The following NFKBIB variants were observed in gnomAD, a reference collection of about 807,000 sequenced individuals.
The protein encoded by NFKBIB is NF-kappa-B inhibitor beta.
In NFKBIB, 16 loss-of-function variants were observed where a neutral mutation model predicts 32.1. The ratio of observed to expected loss-of-function variants is 0.50; its 90% CI spans 0.34 to 0.76. The LOEUF is 0.76. Among genes scored for constraint, NFKBIB ranks in the 30% least tolerant of loss-of-function variants. The pLI is 0.01. For missense variants in NFKBIB, 437 were observed against 514.9 expected (o/e 0.85, Z 1.46); for synonymous variants, 222 against 219.5 (o/e 1.01, Z -0.10).
chr19:38,902,081 A>ATTTTTTTTTTTTTTTTTTTTTTTTTTTTT (rs1220793422), intron 1 of NFKBIB, among the ~76,000 whole-genome samples: 1 of 56,460 alleles, frequency 1.8e-5, no homozygotes, highest in Non-Finnish European at 3.7e-5. Context: ...TTTTCATTTT[A>ATTTTTTTTTTTTTTTTTTTTTTTTTTTTT]TTTCTTTTTT....
intron 1 of NFKBIB, among the ~76,000 whole-genome samples, chr19:38,901,421 A>T (rs751188446): frequency 3.3e-5 from 5 of 151,638 alleles, no homozygotes; most frequent in Non-Finnish European, 5.9e-5. Flanking sequence ...CAGCCTCCTG[A>T]GTAGCTGGGA....
chr19:38,905,024 C>T lies in NFKBIB; in HGVS notation c.189C>T (p.His63=). The T allele has an allele frequency of 2.5e-6, 4 of 1,614,164 alleles. No individual in the cohort carries two copies. The highest frequency in any genetic ancestry group is 3.4e-6 in the Non-Finnish European group (4 of 1,180,016). The stretch of plus-strand genomic sequence containing the variant: ...CGGTCTTTGTCCCCAGGGCACTGCA[C>T]TTGGCTGTGATTCATCAGCATGAAC... ...YVTEDGDTAL[H]LAVIHQHEPF... Residue 63 remains histidine (H), a synonymous_variant, in exon 2 of 6, where the codon CAC becomes CAT. Coordinates refer to ENST00000313582, the MANE Select transcript of NFKBIB (RefSeq NM_002503.5). This position sits in a 1 kb window ranked among gnomAD's most constrained non-coding sequence, Gnocchi z 5.5.
Position 38,907,592 on chromosome 19 carries a change from C to CCGAGGG in NFKBIB, c.908_913dup (p.Gly303_Glu304dup), listed in dbSNP as rs767145459. 101 of 1,612,132 alleles carry CCGAGGG rather than the reference C, an allele frequency of 6.3e-5. No individual in the cohort carries two copies. Among genetic ancestry groups the CCGAGGG allele is most frequent in the Non-Finnish European group, 8.2e-5 (97 of 1,179,566 alleles). On this transcript the variant is annotated inframe_insertion, in exon 5 of 6. Coordinates refer to ENST00000313582, the MANE Select transcript of NFKBIB (RefSeq NM_002503.5). Reference sequence around the variant, plus strand: ...CTCCGTGCACACGGAGCCCCTGAGCCCGAGGGCGAGGACGAGAAATCCGGC... The same window carrying CCGAGGG: ...CTCCGTGCACACGGAGCCCCTGAGCCCGAGGGCGAGGGCGAGGACGAGAAATCCGGC...
rs780593114 is a variant in NFKBIB at position 38,900,177 on chromosome 19, C to G, written c.145C>G (p.Leu49Val). 1.9e-6 allele frequency: 3 copies of G among 1,603,992 alleles called. No homozygotes were observed. The highest frequency in any genetic ancestry group is 2.7e-5 in the African/African-American group (2 of 74,772). ...ELGPGLSWAP[L>V]VFGYVTEDGD... ...GGGCCCGGGGCTGTCGTGGGCTCCCCTCGTCTTCGGCTACGTCACTGAGGA... is the reference window on the plus strand; with the variant it reads ...GGGCCCGGGGCTGTCGTGGGCTCCCGTCGTCTTCGGCTACGTCACTGAGGA... Residue 49 changes from leucine to valine, a missense_variant, in exon 1 of 6, where the codon CTC (leucine) becomes GTC (valine). Transcript: ENST00000313582.
rs755663711 is a variant in NFKBIB, at chr19:38,905,522, T to C, written c.606T>C (p.Ala202=). ...AGGACTGGAAGCTGCAGCTGGAGGCTGAAAACTACGAGGGTGAGGGTCGTC... is the reference window on the plus strand; with the variant it reads ...AGGACTGGAAGCTGCAGCTGGAGGCCGAAAACTACGAGGGTGAGGGTCGTC... The part of the protein sequence containing the change: ...SEEDWKLQLE[A]ENYEGHTPLH... Residue 202 remains alanine (A), a synonymous_variant, in exon 3 of 6, where the codon GCT becomes GCC. Coordinates refer to ENST00000313582, the MANE Select transcript of NFKBIB (RefSeq NM_002503.5). This position sits in a 1 kb window ranked among gnomAD's most constrained non-coding sequence, Gnocchi z 5.5. 1 of 1,607,956 alleles carries C rather than the reference T, an allele frequency of 6.2e-7. No homozygotes were observed. Among genetic ancestry groups the C allele is most frequent in the Non-Finnish European group, 8.5e-7 (1 of 1,176,736 alleles).
intron 1 of NFKBIB, among the ~76,000 whole-genome samples, chr19:38,903,219 G>C (rs1258264868): frequency 1.3e-5 from 2 of 152,176 alleles, no homozygotes. Context: ...TACAACTTTA[G>C]GTTATCATGG....
At chr19:38,906,756 A>C (rs559626700) in intron 3 of NFKBIB, among the ~76,000 whole-genome samples, 2 of 152,148 alleles carry the variant, frequency 1.3e-5, no homozygotes, top group East Asian at 1.9e-4. Context: ...GGCGTGAGCC[A>C]CTGTGCCTGG....
chr19:38,907,368 G>T (rs754294471), intron 4 of NFKBIB, 31 bp from the exon 5 acceptor site: 8 of 1,595,472 alleles, frequency 5.0e-6, no homozygotes, highest in Non-Finnish European at 6.9e-6. Context: ...CCCTCTTCGG[G>T]CCCTCTGACC....
At chr19:38,902,078 T>C (rs1308247006) in intron 1 of NFKBIB, among the ~76,000 whole-genome samples, 1 of 111,084 alleles carries the variant, frequency 9.0e-6, no homozygotes, top group East Asian at 4.3e-4. Flanking sequence ...TGTTTTTCAT[T>C]TTATTTCTTT....
At position 38,907,211 on chromosome 19, in the gene NFKBIB, C is replaced by G. The variant is rs761937900; in HGVS notation, c.620-10C>G. On this transcript the variant is annotated splice_polypyrimidine_tract_variant and intron_variant, in intron 3 of 5. Coordinates refer to ENST00000313582, the MANE Select transcript of NFKBIB (RefSeq NM_002503.5). ...ACCTCATCATCTGACGCCAATCACT[C>G]TGTCCCCAGGCCACACCCCACTCCA... 10 of 1,604,362 alleles carry G rather than the reference C, an allele frequency of 6.2e-6. No homozygotes were observed. In the South Asian group the frequency reaches 6.6e-5, roughly 11 times the overall value.
Position 38,907,891 on chromosome 19 carries a change from G to C in NFKBIB, c.969+232G>C. On this transcript the variant is annotated intron_variant, in intron 5 of 5. Coordinates refer to ENST00000313582, the MANE Select transcript of NFKBIB (RefSeq NM_002503.5). The stretch of plus-strand genomic sequence containing the variant: ...CAGTGGCAAAGGTAGAACTCAGGCA[G>C]GGGTGGAGAAAAGGCGTTGGTCGCA... The C allele has an allele frequency of 2.2e-6, 3 of 1,374,282 alleles. No homozygotes were observed. The South Asian group carries it at 5.8e-5, about 27-fold the overall frequency. 85.1% of individuals were successfully genotyped at this position (1,374,282 alleles called of 1,614,324 possible).
intron 1 of NFKBIB, among the ~76,000 whole-genome samples, chr19:38,902,955 AT>A (rs1165123548): frequency 6.6e-6 from 1 of 152,134 alleles, no homozygotes; most frequent in Non-Finnish European, 1.5e-5. Flanking sequence ...AGCGCCTGTA[AT>A]CCCAGCTACT....
chr19:38,903,492 TG>T (rs1476263105), intron 1 of NFKBIB, among the ~76,000 whole-genome samples: 1 of 152,050 alleles, frequency 6.6e-6, no homozygotes, highest in African/African-American at 2.4e-5. Flanking sequence ...CTCATCGTGT[TG>T]GCCAGGTTGG....
intron 5 of NFKBIB, chr19:38,908,477 T>C (rs1974219530): frequency 9.3e-7 from 1 of 1,079,280 alleles, no homozygotes; most frequent in Non-Finnish European, 1.2e-6. Context: ...AGGTGGAGGT[T>C]GCAGTGAACC....
chr19:38,900,305 C>G, intron 1 of NFKBIB, 94 bp downstream of exon 1: 1 of 1,332,944 alleles, frequency 7.5e-7, no homozygotes, highest in Non-Finnish European at 9.9e-7. Context: ...ACCTCATACT[C>G]CTAAATCTGA....
In NFKBIB at chr19:38,900,120, G is replaced by A. The variant is rs1489842341; in HGVS notation, c.88G>A (p.Ala30Thr). ...GGGCTCCCTGGGTCCGGACGCAGCG[G>A]CCCCCGGAGGACCTGGGTTGGGCGC... ...GLGSLGPDAA[A>T]PGGPGLGAEL... Residue 30 changes from alanine (A) to threonine (T), a missense_variant, in exon 1 of 6, where the codon GCC becomes ACC. Ala to Thr is a moderately conservative substitution (Grantham distance 58, BLOSUM62 0). Transcript: ENST00000313582. 5.7e-6 allele frequency: 9 copies of A among 1,581,854 alleles called. No individual in the cohort carries two copies. The East Asian group carries it at 1.8e-4, about 32-fold the overall frequency.
chr19:38,903,596 T>A (rs1974030751), intron 1 of NFKBIB, among the ~76,000 whole-genome samples: 1 of 151,960 alleles, frequency 6.6e-6, no homozygotes, highest in African/African-American at 2.4e-5. Flanking sequence ...CATAATGAAC[T>A]GTTTTAATAT....
At chr19:38,900,726 A>G (rs564247522) in intron 1 of NFKBIB, among the ~76,000 whole-genome samples, 11 of 152,354 alleles carry the variant, frequency 7.2e-5, no homozygotes, top group African/African-American at 2.6e-4. Flanking sequence ...AAAATTAAAA[A>G]AAAGAATGTT....
chr19:38,901,006 G>A (rs1973938835), intron 1 of NFKBIB, among the ~76,000 whole-genome samples: 1 of 151,928 alleles, frequency 6.6e-6, no homozygotes, highest in South Asian at 2.1e-4. Flanking sequence ...GTCAGAGGTA[G>A]TTAAGTACTT....
Sources: gnomAD v4.1 joint callset for allele counts (sites outside exome capture counted in the v4.1 genomes callset) on GRCh38, gnomAD v4.1.1 for gene constraint, Gnocchi (gnomAD v3.1) non-coding constraint, MANE v1.5 for transcripts, NCBI Gene and HGNC (gene_info 2026-07-23, HGNC 2026-07-21) for gene names.